STK33: variants seen among roughly 807,000 people sequenced by gnomAD.
STK33 encodes serine/threonine-protein kinase 33.
In STK33, 52 loss-of-function variants were observed where a neutral mutation model predicts 58.0. The ratio of observed to expected loss-of-function variants is 0.90; its 90% CI spans 0.72 to 1.13. The LOEUF (loss-of-function observed/expected upper bound fraction) is 1.13. STK33 is among the 50% of genes most tolerant of loss of function. The pLI is 0.00. For missense variants in STK33, 630 were observed against 604.2 expected, an observed-to-expected ratio of 1.04 and a Z score of -0.45; for synonymous variants, 215 against 200.1, an observed-to-expected ratio of 1.07 and a Z score of -0.63.
At chr11:8,593,046 T>C (rs1027352701) in intron 1 of STK33, among the ~76,000 whole-genome samples, 8 of 152,178 alleles carry the variant, frequency 5.3e-5, no homozygotes, top group African/African-American at 1.2e-4. Flanking sequence ...AACTTGATGA[T>C]TGTTTGGATA....
At chr11:8,509,283 C>A (rs146995534) in intron 1 of STK33, among the ~76,000 whole-genome samples, 1 of 152,050 alleles carries the variant, frequency 6.6e-6, no homozygotes, top group African/African-American at 2.4e-5. Context: ...TAATGAAAAC[C>A]TTCCATGTGA....
intron 1 of STK33, among the ~76,000 whole-genome samples, chr11:8,542,364 A>C (rs894241603): frequency 3.3e-5 from 5 of 152,236 alleles, no homozygotes; most frequent in Admixed American, 2.0e-4. Flanking sequence ...TAGGGAAACA[A>C]CACAAAATAC....
intron 14 of STK33, among the ~76,000 whole-genome samples, chr11:8,429,743 T>C (rs1943192590): frequency 1.3e-5 from 2 of 152,182 alleles, no homozygotes; most frequent in Non-Finnish European, 2.9e-5. Context: ...ACTTGGCTAC[T>C]TGTTCCCAGC....
intron 1 of STK33, among the ~76,000 whole-genome samples, chr11:8,510,088 C>A (rs1469791368): frequency 6.6e-6 from 1 of 152,160 alleles, no homozygotes; most frequent in African/African-American, 2.4e-5. Context: ...ATCTTGTTTT[C>A]CATAGTAGTT....
At chr11:8,454,883 GGA>G in intron 9 of STK33, 51 bp from the exon 10 acceptor site, 2 of 1,461,108 alleles carry the variant, frequency 1.4e-6, no homozygotes, top group Non-Finnish European at 1.8e-6. Flanking sequence ...TGGAAAAATA[GGA>G]GAGACACATA....
At chr11:8,347,857 T>A in the STK33 span, among the ~76,000 whole-genome samples, 1 of 152,252 alleles carries the variant, frequency 6.6e-6, no homozygotes, top group Non-Finnish European at 1.5e-5. Context: ...GTGCTTTCTC[T>A]CCACTGTGGC....
intron 14 of STK33, among the ~76,000 whole-genome samples, chr11:8,421,094 C>T (rs946858140): frequency 6.6e-6 from 1 of 151,916 alleles, no homozygotes; most frequent in African/African-American, 2.4e-5. Context: ...CAGTTTATAA[C>T]TTATCAGCTT....
chr11:8,385,896 T>G, the STK33 span, among the ~76,000 whole-genome samples: 1 of 151,976 alleles, frequency 6.6e-6, no homozygotes, highest in South Asian at 2.1e-4. Context: ...TGCCTCAGCC[T>G]CCCGAGTAGC....
intron 1 of STK33, among the ~76,000 whole-genome samples, chr11:8,550,991 GA>G (rs1359914643): frequency 3.3e-5 from 5 of 152,140 alleles, no homozygotes; most frequent in Admixed American, 2.6e-4. Context: ...GGAAGAAAAA[GA>G]GATTTAATGG....
intron 1 of STK33, among the ~76,000 whole-genome samples, chr11:8,546,683 T>C (rs1394280258): frequency 6.9e-6 from 1 of 145,946 alleles, no homozygotes; most frequent in Non-Finnish European, 1.5e-5. Context: ...AGTGAAATCA[T>C]GCAATATTTG....
intron 1 of STK33, among the ~76,000 whole-genome samples, chr11:8,534,467 A>G (rs1954804108): frequency 6.6e-6 from 1 of 152,004 alleles, no homozygotes; most frequent in Non-Finnish European, 1.5e-5. Flanking sequence ...AATAGAAAGT[A>G]TAAGAGTATA....
At chr11:8,402,271 G>A (rs1175401429) in intron 15 of STK33, among the ~76,000 whole-genome samples, 11 of 152,190 alleles carry the variant, frequency 7.2e-5, no homozygotes, top group Non-Finnish European at 1.3e-4. Context: ...ATACACCATG[G>A]AATACTATGC....
chr11:8,454,867 G>A (rs1383750818), intron 9 of STK33, 35 bp from the exon 10 acceptor site: 1 of 1,488,870 alleles, frequency 6.7e-7, no homozygotes, highest in Middle Eastern at 1.8e-4. Context: ...CAAATGAAAT[G>A]AATAATGGAA....
chr11:8,344,057 T>C, the STK33 span, among the ~76,000 whole-genome samples: 1 of 152,038 alleles, frequency 6.6e-6, no homozygotes, highest in Non-Finnish European at 1.5e-5. Flanking sequence ...GGAAATAATA[T>C]AAAAATAATA....
chr11:8,568,072 C>T (rs572005005), intron 1 of STK33, among the ~76,000 whole-genome samples: 1 of 152,258 alleles, frequency 6.6e-6, no homozygotes, highest in South Asian at 2.1e-4. Context: ...GAAAGATGGT[C>T]TATAATTCCA....
intron 1 of STK33, among the ~76,000 whole-genome samples, chr11:8,523,930 G>A (rs1335981069): frequency 6.6e-6 from 1 of 152,242 alleles, no homozygotes; most frequent in African/African-American, 2.4e-5. Context: ...TGTCTGTGTG[G>A]AAAGAAGCAG....
intron 1 of STK33, among the ~76,000 whole-genome samples, chr11:8,538,264 T>C (rs771241079): frequency 4.6e-5 from 7 of 152,206 alleles, no homozygotes; most frequent in Non-Finnish European, 8.8e-5. Context: ...GAGTATCTTA[T>C]ACATATTAAC....
At chr11:8,363,323 A>G in the STK33 span, among the ~76,000 whole-genome samples, 1 of 152,222 alleles carries the variant, frequency 6.6e-6, no homozygotes, top group African/African-American at 2.4e-5. Context: ...AATATTTTAC[A>G]TAAAGTACAC....
At chr11:8,401,586 A>G (rs1937967076) in intron 15 of STK33, among the ~76,000 whole-genome samples, 1 of 152,226 alleles carries the variant, frequency 6.6e-6, no homozygotes, top group South Asian at 2.1e-4. Flanking sequence ...TAAAACACCA[A>G]AAGCAATGGC....
Sources: allele counts gnomAD v4.1 joint callset (sites outside exome capture counted in the v4.1 genomes callset), GRCh38; gene constraint gnomAD v4.1.1; transcripts MANE v1.5; gene names NCBI Gene and HGNC (gene_info 2026-07-23, HGNC 2026-07-21).